The following TBC1D32 variants were observed in gnomAD, a reference collection of about 807,000 sequenced individuals.
The protein encoded by TBC1D32 is TBC1 domain family member 32.
In TBC1D32, 151 loss-of-function variants were observed where a neutral mutation model predicts 170.3. The observed-to-expected ratio is 0.89, with a 90% CI of 0.78 to 1.01. TBC1D32 has a LOEUF of 1.01. Ranked by LOEUF, TBC1D32 falls within the 50% of genes least tolerant of loss-of-function variation. The pLI is 0.00. For missense variants in TBC1D32, 1,464 were observed against 1,457.1 expected (o/e 1.00, Z -0.08); for synonymous variants, 498 against 488.0 (o/e 1.02, Z -0.27).
chr6:121,102,485 G>T (rs1461298614), intron 30 of TBC1D32, among the ~76,000 whole-genome samples: 1 of 152,048 alleles, frequency 6.6e-6, no homozygotes, highest in Admixed American at 6.6e-5. Context: ...ACAAGAAATG[G>T]GGAAACAATT....
chr6:121,157,403 G>A (rs1353233879), intron 24 of TBC1D32, among the ~76,000 whole-genome samples: 1 of 152,098 alleles, frequency 6.6e-6, no homozygotes, highest in Non-Finnish European at 1.5e-5. Flanking sequence ...GCCATTACAT[G>A]TGAGATGTGT....
chr6:121,119,762 A>C (rs1219062538), intron 26 of TBC1D32, among the ~76,000 whole-genome samples: 1 of 152,144 alleles, frequency 6.6e-6, no homozygotes, highest in African/African-American at 2.4e-5. Context: ...AAACAGCCAA[A>C]CTAATTTGAT....
intron 15 of TBC1D32, among the ~76,000 whole-genome samples, chr6:121,264,493 G>A (rs1800191217): frequency 1.3e-5 from 2 of 152,102 alleles, no homozygotes; most frequent in Admixed American, 1.3e-4. Flanking sequence ...GGTACCAAGA[G>A]GAGCTGGTAC....
chr6:121,121,710 A>G (rs1159028843), intron 26 of TBC1D32, among the ~76,000 whole-genome samples: 14 of 152,016 alleles, frequency 9.2e-5, no homozygotes, highest in Admixed American at 9.2e-4. Context: ...GCCTTCCTCC[A>G]TCATTCTTTT....
chr6:121,258,429 TTTC>T (rs913350801), intron 15 of TBC1D32, among the ~76,000 whole-genome samples: 5 of 151,318 alleles, frequency 3.3e-5, no homozygotes, highest in African/African-American at 1.2e-4. Context: ...GGCTTCACTT[TTTC>T]TTTTTTTTTT....
At chr6:121,334,551 C>T (rs1811643693), upstream of TBC1D32, 2 of 1,223,708 alleles carry the variant, frequency 1.6e-6, no homozygotes, top group Non-Finnish European at 2.2e-6. Flanking sequence ...CCAGGGATAC[C>T]GCGGCGAGCG....
At chr6:121,183,532 T>G (rs1213479313) in intron 22 of TBC1D32, among the ~76,000 whole-genome samples, 1 of 152,074 alleles carries the variant, frequency 6.6e-6, no homozygotes, top group Non-Finnish European at 1.5e-5. Flanking sequence ...GTTTATCAAC[T>G]TTCTCACTTC....
intron 29 of TBC1D32, among the ~76,000 whole-genome samples, chr6:121,111,174 G>C (rs942880833): frequency 2.0e-5 from 3 of 152,056 alleles, no homozygotes; most frequent in Non-Finnish European, 4.4e-5. Flanking sequence ...CAGTTTTATA[G>C]AAAGAAATGC....
chr6:121,286,867 A>T (rs1236306559), intron 12 of TBC1D32, among the ~76,000 whole-genome samples: 1 of 152,214 alleles, frequency 6.6e-6, no homozygotes, highest in Non-Finnish European at 1.5e-5. Flanking sequence ...TAAAGAAAAT[A>T]ATTTTCAACC....
chr6:121,306,449 T>C (rs935118897), intron 5 of TBC1D32, among the ~76,000 whole-genome samples: 3 of 152,168 alleles, frequency 2.0e-5, no homozygotes, highest in Admixed American at 6.5e-5. Flanking sequence ...GTGTTCCCAG[T>C]GTCTAAACGA....
intron 31 of TBC1D32, among the ~76,000 whole-genome samples, chr6:121,081,691 T>A (rs528898332): frequency 6.6e-6 from 1 of 151,992 alleles, no homozygotes; most frequent in Non-Finnish European, 1.5e-5. Flanking sequence ...GCATATCATA[T>A]ACTAGATACT....
In TBC1D32 at chr6:121,333,024, C is replaced by T. The variant is rs577821688; in HGVS notation, c.155+1252G>A. ...AACTGTAAATACTCCCCCTATAAAA[C>T]TGCAAGTAAACACAAACTTGTACAT... On this transcript the variant is annotated intron_variant, in intron 1 of 31. Coordinates refer to ENST00000398212, the MANE Select transcript of TBC1D32 (RefSeq NM_152730.6). Among the ~76,000 whole-genome samples the T allele has an allele frequency of 2.0e-5, 3 of 152,230 alleles. No homozygotes were observed. The East Asian group carries it at 5.8e-4, about 29-fold the overall frequency.
chr6:121,191,841 C>T (rs1790086622), intron 22 of TBC1D32, among the ~76,000 whole-genome samples: 1 of 151,990 alleles, frequency 6.6e-6, no homozygotes, highest in Admixed American at 6.6e-5. Flanking sequence ...ACCATCTAAT[C>T]AGCTGCCAGC....
rs80160290 is a variant in TBC1D32 at position 121,256,124 on chromosome 6, G to A, written c.1895C>T (p.Thr632Ile). 1.8e-3 allele frequency: 2,917 copies of A among 1,613,700 alleles called. 49 individuals carry two copies. In the African/African-American group the frequency reaches 0.034, roughly 19 times the overall value. Residue 632 changes from threonine to isoleucine, a missense_variant, in exon 16 of 32, where the codon ACT (threonine) becomes ATT (isoleucine). Around this residue, in one of 3 missense-constraint regions of TBC1D32, gnomAD observed 1,363 missense variants for 1,338.1 expected, o/e 1.02. Coordinates refer to ENST00000398212, the MANE Select transcript of TBC1D32 (RefSeq NM_152730.6). ...STCEGLQVLI[T>I]YNLHESIAKA... Reference sequence around the variant, plus strand: ...TGCTATAGATTCATGCAAATTATAAGTGATTAACACCTGCAAACCTTCACA... The same window carrying A: ...TGCTATAGATTCATGCAAATTATAAATGATTAACACCTGCAAACCTTCACA...
intron 21 of TBC1D32, among the ~76,000 whole-genome samples, chr6:121,210,138 G>T (rs2128311079): frequency 6.6e-6 from 1 of 152,218 alleles, no homozygotes; most frequent in South Asian, 2.1e-4. Flanking sequence ...CTGACATGAA[G>T]CCATGAAAAG....
chr6:121,226,068 CAAG>C (rs1358162099), intron 20 of TBC1D32, among the ~76,000 whole-genome samples: 2 of 152,066 alleles, frequency 1.3e-5, no homozygotes, highest in Admixed American at 6.6e-5. Context: ...TTCCCCAAGT[CAAG>C]AAGTTTTCTT....
intron 22 of TBC1D32, among the ~76,000 whole-genome samples, chr6:121,196,205 C>T (rs541896674): frequency 2.2e-4 from 34 of 152,282 alleles, no homozygotes; most frequent in Admixed American, 1.3e-3. Context: ...CATCACCCAA[C>T]GGGCCCATGA....
In TBC1D32 at chr6:121,274,608, A is replaced by G. The variant is rs192399958; in HGVS notation, c.1733+4513T>C. ...ATACATGTACAATTATTATGTGTCA[A>G]TTTAAAAAGACACTCATCAAGTACA... is the stretch of plus-strand genomic sequence containing the variant. On this transcript the variant is annotated intron_variant, in intron 15 of 31. Transcript: ENST00000398212. Among the ~76,000 whole-genome samples, 55 of 152,272 alleles carry G rather than the reference A, an allele frequency of 3.6e-4. No individual in the cohort carries two copies. The Middle Eastern group carries it at 0.017, about 47-fold the overall frequency.
intron 24 of TBC1D32, among the ~76,000 whole-genome samples, chr6:121,154,964 A>G (rs1177593165): frequency 6.6e-6 from 1 of 152,144 alleles, no homozygotes; most frequent in African/African-American, 2.4e-5. Flanking sequence ...GTTTTTACTT[A>G]GTATTGCTTT....
Sources: gnomAD v4.1 joint callset for allele counts (sites outside exome capture counted in the v4.1 genomes callset) on GRCh38, gnomAD v4.1.1 for gene constraint, gnomAD v4.1.1 regional missense constraint, MANE v1.5 for transcripts, NCBI Gene and HGNC (gene_info 2026-07-23, HGNC 2026-07-21) for gene names.